The following ATG2B variants were observed in gnomAD, a reference collection of about 807,000 sequenced individuals.
The protein encoded by ATG2B is autophagy related 2B, also known as autophagy-related protein 2 homolog B.
ATG2B carries 121 observed loss-of-function variants against 241.3 expected under a neutral mutation model. The ratio of observed to expected loss-of-function variants is 0.50; its 90% CI spans 0.43 to 0.58. The LOEUF (loss-of-function observed/expected upper bound fraction) is 0.58. Among genes scored for constraint, ATG2B ranks in the 20% least tolerant of loss-of-function variants. ATG2B has a pLI of 0.00. For synonymous variants in ATG2B, 858 were observed against 876.6 expected (o/e 0.98, Z 0.37); for missense variants, 2,306 against 2,491.6 (o/e 0.93, Z 1.59).
chr14:96,331,851 G>T (rs1330095268), intron 10 of ATG2B, among the ~76,000 whole-genome samples: 1 of 152,150 alleles, frequency 6.6e-6, no homozygotes, highest in Non-Finnish European at 1.5e-5. Context: ...CGTGACAACA[G>T]TAAATGTACA....
intron 14 of ATG2B, among the ~76,000 whole-genome samples, chr14:96,327,229 TCAA>T (rs1012205127): frequency 2.5e-4 from 5 of 19,650 alleles, no homozygotes; most frequent in African/African-American, 9.6e-4. Context: ...GATGTCTGTC[TCAA>T]TAATAATAAT....
chr14:96,341,984 T>A (rs1888048743), intron 5 of ATG2B, among the ~76,000 whole-genome samples: 1 of 152,184 alleles, frequency 6.6e-6, no homozygotes, highest in African/African-American at 2.4e-5. Context: ...GGGCACTGTA[T>A]AATTAAGAAA....
In ATG2B at chr14:96,302,078, C is replaced by T; in HGVS notation, c.5068G>A (p.Glu1690Lys). 6.2e-7 allele frequency: 1 copy of T among 1,613,972 alleles called. No individual in the cohort carries two copies. Among genetic ancestry groups the T allele is most frequent in the South Asian group, 1.1e-5 (1 of 91,078 alleles). ...LTVKALHVCPESGRSPQECCL... is the reference protein window; with the variant it reads ...LTVKALHVCPKSGRSPQECCL... ...CACTCCTGTGGGGACCTGCCAGATT[C>T]TGGACACACGTGTAAGGCTTTCACT... Residue 1690 changes from glutamate to lysine, a missense_variant, in exon 34 of 42, where the codon GAA becomes AAA. By Grantham distance (56) the Glu-to-Lys change is moderately conservative. Coordinates refer to ENST00000359933, the MANE Select transcript of ATG2B (RefSeq NM_018036.7).
chr14:96,333,706 G>A lies in ATG2B; in HGVS notation c.1189C>T (p.Arg397Cys), dbSNP rs761192579. The change falls in exon 8 of 42, where the codon CGT becomes TGT. Residue 397 changes from arginine to cysteine, a missense_variant. Coordinates refer to ENST00000359933, the MANE Select transcript of ATG2B (RefSeq NM_018036.7). ...TGCTTACCACGGCTAGAAGGTGTACGAGCTGTTTCTGTCTCATAAAAGCTT... is the reference window on the plus strand; with the variant it reads ...TGCTTACCACGGCTAGAAGGTGTACAAGCTGTTTCTGTCTCATAAAAGCTT... ...EQSFYETETA[R>C]TPSSREEEVF... 1.2e-5 allele frequency: 20 copies of A among 1,613,512 alleles called. No homozygotes were observed. The highest frequency in any genetic ancestry group is 1.6e-4 in the Middle Eastern group (1 of 6,082).
chr14:96,304,399 G>T, intron 32 of ATG2B, 96 bp downstream of exon 32: 1 of 820,628 alleles, frequency 1.2e-6, no homozygotes, highest in Non-Finnish European at 2.0e-6. Flanking sequence ...CCAAAGGGTT[G>T]GGACTTAAGG....
Position 96,322,533 on chromosome 14 carries a change from C to A in ATG2B, c.2736+7G>T, listed in dbSNP as rs766813494. ...ATTATTCCTTTGTAGCTTGCTCACA[C>A]TTTTACCTGTTCATTTTCAAACATT... On this transcript the variant is annotated splice_region_variant and intron_variant, in intron 17 of 41. Transcript: ENST00000359933. 1.2e-6 allele frequency: 2 copies of A among 1,608,524 alleles called. No individual in the cohort carries two copies. The highest frequency in any genetic ancestry group is 1.7e-6 in the Non-Finnish European group (2 of 1,178,156).
chr14:96,327,315 G>A (rs546101420), intron 14 of ATG2B, among the ~76,000 whole-genome samples: 1 of 152,176 alleles, frequency 6.6e-6, no homozygotes, highest in East Asian at 1.9e-4. Context: ...AAGCAAAGAA[G>A]TAGAAAAATA....
At chr14:96,357,979 TA>T (rs1299817839) in intron 1 of ATG2B, among the ~76,000 whole-genome samples, 3 of 152,226 alleles carry the variant, frequency 2.0e-5, no homozygotes, top group Non-Finnish European at 4.4e-5. Flanking sequence ...GGCAATGACT[TA>T]GCTTCTGCAA....
At chr14:96,329,667 A>C in intron 11 of ATG2B, 33 bp from the exon 12 acceptor site, 3 of 1,420,196 alleles carry the variant, frequency 2.1e-6, no homozygotes, top group Non-Finnish European at 2.9e-6. Flanking sequence ...TAAGATTATT[A>C]GTGTTAAAAT....
At chr14:96,331,188 G>C (rs1887721645) in intron 11 of ATG2B, among the ~76,000 whole-genome samples, 188 bp downstream of exon 11, 1 of 152,226 alleles carries the variant, frequency 6.6e-6, no homozygotes, top group Non-Finnish European at 1.5e-5. Context: ...TAACCTGAAT[G>C]AAAGATTCTA....
At chr14:96,292,234 TA>T (rs1427534567) in intron 36 of ATG2B, 136 bp from the exon 37 acceptor site, 2 of 518,168 alleles carry the variant, frequency 3.9e-6, no homozygotes, top group Non-Finnish European at 6.8e-6. Flanking sequence ...AAGAACTAAA[TA>T]AAAGAGAATG....
chr14:96,328,376 A>G lies in ATG2B; in HGVS notation c.2134T>C (p.Tyr712His), dbSNP rs1391882282. 1.2e-6 allele frequency: 2 copies of G among 1,612,848 alleles called. No homozygotes were observed. The highest frequency in any genetic ancestry group is 1.7e-6 in the Non-Finnish European group (2 of 1,179,502). The change falls in exon 14 of 42, where the codon TAT (tyrosine) becomes CAT (histidine). Residue 712 changes from tyrosine (Y) to histidine (H), a missense_variant. Transcript: ENST00000359933. ...CTAATATGTTTATTATATGAAGTAT[A>G]CATGTGGGATGCCATCATCTCTACT... ...ATVEMMASHM[Y>H]TSYNKHISLH... is the part of the protein sequence containing the mutation.
intron 1 of ATG2B, among the ~76,000 whole-genome samples, chr14:96,349,111 C>T (rs1888246815): frequency 2.0e-5 from 3 of 152,162 alleles, no homozygotes; most frequent in Admixed American, 2.0e-4. Flanking sequence ...TGAAGGAGTG[C>T]TATTTTAAGC....
At chr14:96,332,885 T>C (rs1438770647) in intron 8 of ATG2B, among the ~76,000 whole-genome samples, 1 of 152,142 alleles carries the variant, frequency 6.6e-6, no homozygotes, top group African/African-American at 2.4e-5. Flanking sequence ...CTGATGAACA[T>C]GTTTTCTTTT....
Position 96,305,794 on chromosome 14 carries a change from T to G in ATG2B, c.4528A>C (p.Ile1510Leu), listed in dbSNP as rs1886930149. 3 of 1,613,966 alleles carry G rather than the reference T, an allele frequency of 1.9e-6. No homozygotes were observed. The highest frequency in any genetic ancestry group is 2.5e-6 in the Non-Finnish European group (3 of 1,179,908). The part of the protein sequence containing the change: ...AMQEKEEEPV[I>L]KIMVDDAIVI... ...ATTGCATCATCAACCATGATTTTTA[T>G]AACTGGTTCTTCTTCCTTCTCCTAA... Residue 1510 changes from isoleucine to leucine, a missense_variant, in exon 31 of 42, where the codon ATA becomes CTA. Physicochemically the swap from Ile to Leu is conservative, Grantham distance 5. Transcript: ENST00000359933.
At chr14:96,362,643 T>G (rs893439403) in intron 1 of ATG2B, among the ~76,000 whole-genome samples, 172 bp downstream of exon 1, 1 of 152,208 alleles carries the variant, frequency 6.6e-6, no homozygotes, top group Admixed American at 6.5e-5. Flanking sequence ...GAGAGCAAAC[T>G]TGTTAGAAAC....
chr14:96,346,245 C>T (rs901862125), intron 2 of ATG2B, among the ~76,000 whole-genome samples: 6 of 152,094 alleles, frequency 3.9e-5, no homozygotes, highest in Admixed American at 3.3e-4. Flanking sequence ...GATCTTCCCT[C>T]ATGAGAAAAT....
intron 26 of ATG2B, 109 bp from the exon 27 acceptor site, chr14:96,311,727 C>T (rs1887163786): frequency 3.0e-6 from 2 of 670,462 alleles, no homozygotes; most frequent in South Asian, 4.1e-5. Flanking sequence ...GCAGAGAGCA[C>T]TACAAATAAT....
intron 2 of ATG2B, among the ~76,000 whole-genome samples, chr14:96,346,541 T>C (rs1007947596): frequency 2.6e-5 from 4 of 152,154 alleles, no homozygotes; most frequent in Non-Finnish European, 5.9e-5. Flanking sequence ...AATTTAAACT[T>C]TCATGTTTTG....
Sources: gnomAD v4.1 joint callset for allele counts (sites outside exome capture counted in the v4.1 genomes callset) on GRCh38, gnomAD v4.1.1 for gene constraint, MANE v1.5 for transcripts, NCBI Gene and HGNC (gene_info 2026-07-23, HGNC 2026-07-21) for gene names.